The following MACROD2 variants were observed in gnomAD, a reference collection of about 807,000 sequenced individuals.
MACROD2 encodes ADP-ribose glycohydrolase MACROD2.
Under a neutral mutation model 70.4 loss-of-function variants are expected in MACROD2, and 36 were observed. The ratio of observed to expected loss-of-function variants is 0.51; its 90% CI spans 0.39 to 0.68. The LOEUF (loss-of-function observed/expected upper bound fraction) is 0.68. Ranked by LOEUF, MACROD2 falls within the 30% of genes least tolerant of loss-of-function variation. The pLI, the probability that MACROD2 is intolerant of heterozygous loss-of-function variation, is 0.00. For missense variants in MACROD2, 496 were observed against 538.4 expected (o/e 0.92, Z 0.78); for synonymous variants, 172 against 178.8 (o/e 0.96, Z 0.30).
chr20:14,036,814 C>T (rs2148636582), intron 2 of MACROD2, among the ~76,000 whole-genome samples: 1 of 152,326 alleles, frequency 6.6e-6, no homozygotes, highest in East Asian at 1.9e-4. Flanking sequence ...CTGGTGTGCA[C>T]CACCACGCCT....
chr20:15,760,592 C>G (rs1164966646), intron 8 of MACROD2, among the ~76,000 whole-genome samples: 2 of 152,174 alleles, frequency 1.3e-5, no homozygotes, highest in Non-Finnish European at 2.9e-5. Flanking sequence ...GGTCATGCAT[C>G]TCTGGGGGCA....
intron 5 of MACROD2, among the ~76,000 whole-genome samples, chr20:15,048,511 A>G (rs909375838): frequency 6.6e-6 from 1 of 152,118 alleles, no homozygotes; most frequent in African/African-American, 2.4e-5. Context: ...TTACAGGGTT[A>G]TTATAAAGAC....
intron 5 of MACROD2, among the ~76,000 whole-genome samples, chr20:14,709,426 G>A (rs1370483287): frequency 1.3e-5 from 2 of 152,082 alleles, no homozygotes; most frequent in Non-Finnish European, 2.9e-5. Flanking sequence ...CATAAGGTAA[G>A]GAGGGTGTTT....
intron 3 of MACROD2, among the ~76,000 whole-genome samples, chr20:14,446,535 T>G (rs1600245061): frequency 6.6e-6 from 1 of 152,198 alleles, no homozygotes; most frequent in East Asian, 1.9e-4. Context: ...TGGGACCCCA[T>G]TTCAACTTCA....
chr20:15,470,452 A>G (rs942591429), intron 7 of MACROD2, among the ~76,000 whole-genome samples: 5 of 152,222 alleles, frequency 3.3e-5, no homozygotes, highest in African/African-American at 4.8e-5. Context: ...CTGAGGTACC[A>G]TCTCCTCCTA....
At chr20:14,177,954 T>C (rs77364227) in intron 3 of MACROD2, among the ~76,000 whole-genome samples, 1,828 of 152,274 alleles carry the variant, frequency 0.012, 19 homozygotes, top group South Asian at 0.037. Flanking sequence ...AAAGGCTTTT[T>C]AACTCTGACT....
chr20:14,153,924 T>C (rs958768052), intron 3 of MACROD2, among the ~76,000 whole-genome samples: 2 of 152,222 alleles, frequency 1.3e-5, no homozygotes, highest in African/African-American at 4.8e-5. Context: ...CTGACTCTTG[T>C]TTTAAATTCT....
intron 8 of MACROD2, among the ~76,000 whole-genome samples, chr20:15,788,008 G>A (rs986842480): frequency 6.6e-6 from 1 of 151,952 alleles, no homozygotes; most frequent in Non-Finnish European, 1.5e-5. Flanking sequence ...TTTCCATCTG[G>A]TGTTAACAAA....
At chr20:15,899,734 T>C (rs1197742343) in intron 10 of MACROD2, among the ~76,000 whole-genome samples, 7 of 152,180 alleles carry the variant, frequency 4.6e-5, no homozygotes, top group Non-Finnish European at 1.0e-4. Context: ...TCAGTAGGCA[T>C]ACGTGGGATG....
chr20:15,755,652 C>T (rs1364554396), intron 8 of MACROD2, among the ~76,000 whole-genome samples: 2 of 152,128 alleles, frequency 1.3e-5, no homozygotes, highest in Non-Finnish European at 2.9e-5. Flanking sequence ...CCATATGTTT[C>T]TCTATTAAAC....
chr20:14,712,804 G>A lies in MACROD2; in HGVS notation c.418+27845G>A, dbSNP rs77506554. ...CTGTTGGGAAGAGAATACAATAGGA[G>A]GATTAATGGCTCAGAGCAGAAATGT... On this transcript the variant is annotated intron_variant, in intron 5 of 17. Coordinates refer to ENST00000684519, the MANE Select transcript of MACROD2 (RefSeq NM_001351661.2). Among the ~76,000 whole-genome samples the A allele has an allele frequency of 5.3e-5, 8 of 152,170 alleles. No homozygotes were observed. The East Asian group carries it at 1.5e-3, about 29-fold the overall frequency.
chr20:14,639,916 G>A (rs967580061), intron 4 of MACROD2, among the ~76,000 whole-genome samples: 6 of 152,026 alleles, frequency 3.9e-5, no homozygotes, highest in Non-Finnish European at 5.9e-5. Flanking sequence ...TCAAGCAAGC[G>A]AACTACACCA....
chr20:14,732,700 A>G (rs572198476), intron 5 of MACROD2, among the ~76,000 whole-genome samples: 1 of 151,458 alleles, frequency 6.6e-6, no homozygotes, highest in East Asian at 1.9e-4. Flanking sequence ...TCTGTGAAGA[A>G]TTTTTTTTTC....
At chr20:15,523,791 GT>G (rs2047683449) in intron 8 of MACROD2, among the ~76,000 whole-genome samples, 1 of 152,154 alleles carries the variant, frequency 6.6e-6, no homozygotes, top group Non-Finnish European at 1.5e-5. Context: ...TAGAGAGGTG[GT>G]TTCCATGATC....
At chr20:15,544,355 G>A (rs1236428647) in intron 8 of MACROD2, among the ~76,000 whole-genome samples, 1 of 152,192 alleles carries the variant, frequency 6.6e-6, no homozygotes, top group Non-Finnish European at 1.5e-5. Flanking sequence ...GACTCTGACA[G>A]TAGCAAGAAT....
intron 5 of MACROD2, among the ~76,000 whole-genome samples, chr20:15,191,506 C>T (rs907567824): frequency 3.3e-5 from 5 of 151,724 alleles, no homozygotes; most frequent in South Asian, 2.1e-4. Context: ...CACAAGTCCC[C>T]GAACCCAGCC....
intron 8 of MACROD2, among the ~76,000 whole-genome samples, chr20:15,696,882 G>A (rs1473811497): frequency 6.6e-6 from 1 of 151,334 alleles, no homozygotes. Context: ...TTTTATTTCA[G>A]TGGTGTAGGT....
At chr20:14,801,528 T>G (rs1448981498) in intron 5 of MACROD2, among the ~76,000 whole-genome samples, 3 of 151,978 alleles carry the variant, frequency 2.0e-5, no homozygotes, top group East Asian at 3.9e-4. Context: ...ACACCAGGAG[T>G]TTTTTATACA....
chr20:15,122,091 A>G (rs910733732), intron 5 of MACROD2, among the ~76,000 whole-genome samples: 2 of 152,150 alleles, frequency 1.3e-5, no homozygotes, highest in Admixed American at 1.3e-4. Flanking sequence ...TAAAATTAAT[A>G]TTTTCTTCAT....
Sources: gnomAD v4.1 joint callset for allele counts (sites outside exome capture counted in the v4.1 genomes callset) on GRCh38, gnomAD v4.1.1 for gene constraint, MANE v1.5 for transcripts, NCBI Gene and HGNC (gene_info 2026-07-23, HGNC 2026-07-21) for gene names.